Variants in SLC36A4 observed in about 807,000 individuals in gnomAD.
SLC36A4 encodes neutral amino acid uniporter 4.
SLC36A4 carries 49 observed loss-of-function variants against 50.5 expected under a neutral mutation model. The ratio of observed to expected loss-of-function variants is 0.97; its 90% confidence interval spans 0.77 to 1.23. SLC36A4 has a LOEUF of 1.23. Among genes scored for constraint, SLC36A4 ranks in the 50% most tolerant of loss-of-function variants. SLC36A4 has a pLI of 0.00. For missense variants in SLC36A4, 611 were observed against 608.4 expected, an observed-to-expected ratio of 1.00 and a Z score of -0.05; for synonymous variants, 207 against 206.5, an observed-to-expected ratio of 1.00 and a Z score of -0.02.
At chr11:93,179,069 C>T (rs1808290344) in intron 6 of SLC36A4, among the ~76,000 whole-genome samples, 1 of 152,118 alleles carries the variant, frequency 6.6e-6, no homozygotes, top group Non-Finnish European at 1.5e-5. Context: ...GGTGTTTGCA[C>T]AGGATGGGAG....
rs902495696 is a variant in SLC36A4 at position 93,187,122 on chromosome 11, A to AT, written c.56-1309dup. ...TATAAAATCCTTGGCTCACACTTTC[A>AT]TTCCTCGAGTTTCTTGAAAATGCTG... is the stretch of plus-strand genomic sequence containing the variant. On this transcript the variant is annotated intron_variant, in intron 1 of 10. Coordinates refer to ENST00000326402, the MANE Select transcript of SLC36A4 (RefSeq NM_152313.4). Among the ~76,000 whole-genome samples, 76 of 147,430 alleles carry AT rather than the reference A, an allele frequency of 5.2e-4. 2 individuals are homozygous for AT. Among genetic ancestry groups the AT allele is most frequent in the African/African-American group, 1.8e-3 (73 of 41,054 alleles).
chr11:93,165,753 T>C (rs943014735), intron 8 of SLC36A4, among the ~76,000 whole-genome samples, 165 bp downstream of exon 8: 1 of 152,126 alleles, frequency 6.6e-6, no homozygotes, highest in African/African-American at 2.4e-5. Flanking sequence ...TCTTTGTTAA[T>C]GGAAGGACTA....
rs769138426 is a variant in SLC36A4 at position 93,168,036 on chromosome 11, T to C, written c.676A>G (p.Ile226Val). The C allele has an allele frequency of 1.9e-6, 3 of 1,612,688 alleles. No homozygotes were observed. The highest frequency in any genetic ancestry group is 2.7e-5 in the African/African-American group (2 of 74,962). ...FLPFIILLVFIRELKNLFVLS... is the reference protein window; with the variant it reads ...FLPFIILLVFVRELKNLFVLS... The stretch of plus-strand genomic sequence containing the variant: ...ACAAATAGATTCTTTAGTTCACGAA[T>C]GAAGACCAAAAGAATTATAAATGGA... Residue 226 changes from isoleucine (I) to valine (V), a missense_variant, in exon 7 of 11, where the codon ATT becomes GTT. By Grantham distance (29) the Ile-to-Val change is conservative. Coordinates refer to ENST00000326402, the MANE Select transcript of SLC36A4 (RefSeq NM_152313.4).
intron 10 of SLC36A4, 36 bp from the exon 11 acceptor site, chr11:93,148,880 AATGTTTGTTACTTACATGAAT>A: frequency 6.5e-7 from 1 of 1,547,322 alleles, no homozygotes; most frequent in East Asian, 2.3e-5. Context: ...TTCTTATTTA[AATGTTTGTTACTTACATGAAT>A]ATTAACAGTA....
intron 9 of SLC36A4, among the ~76,000 whole-genome samples, chr11:93,155,922 C>T (rs996649093): frequency 3.3e-5 from 5 of 152,184 alleles, no homozygotes; most frequent in Non-Finnish European, 7.3e-5. Flanking sequence ...TTTTTTATGG[C>T]TGCATAGTAT....
intron 1 of SLC36A4, among the ~76,000 whole-genome samples, chr11:93,196,693 T>G (rs376372588): frequency 6.6e-6 from 1 of 152,212 alleles, no homozygotes; most frequent in Admixed American, 6.5e-5. Flanking sequence ...TAAGGCTAAA[T>G]ATATTATCCC....
chr11:93,171,947 T>G (rs1311913839), intron 6 of SLC36A4: 3 of 152,172 alleles, frequency 2.0e-5, no homozygotes. Flanking sequence ...TGTTACTCTT[T>G]TCTATGTCCT....
rs572772501 is a variant in SLC36A4, at chr11:93,192,772, T to C, written c.55+5006A>G. On this transcript the variant is annotated intron_variant, in intron 1 of 10. Transcript: ENST00000326402. ...TCAATAACCATATAACTAAAGGCTATTGCACTGAACAGCACAGCACTAGAG... is the reference window on the plus strand; with the variant it reads ...TCAATAACCATATAACTAAAGGCTACTGCACTGAACAGCACAGCACTAGAG... 2.0e-5 allele frequency among the ~76,000 whole-genome samples: 3 copies of C among 152,278 alleles called. No individual in the cohort carries two copies. In the South Asian group the frequency reaches 6.2e-4, roughly 32 times the overall value.
intron 1 of SLC36A4, among the ~76,000 whole-genome samples, chr11:93,189,859 T>C (rs1862141377): frequency 6.6e-6 from 1 of 152,212 alleles, no homozygotes; most frequent in African/African-American, 2.4e-5. Flanking sequence ...AATGGCATTA[T>C]TGAAGAGTTT....
At chr11:93,170,641 T>G (rs533215450) in intron 6 of SLC36A4, among the ~76,000 whole-genome samples, 2 of 152,214 alleles carry the variant, frequency 1.3e-5, no homozygotes, top group Admixed American at 6.6e-5. Context: ...TTGCTACATT[T>G]TTTATTTGTA....
At chr11:93,173,603 C>T in intron 6 of SLC36A4, among the ~76,000 whole-genome samples, 1 of 48,800 alleles carries the variant, frequency 2.0e-5, no homozygotes, top group Non-Finnish European at 4.4e-5. Flanking sequence ...ATCTTTAATC[C>T]ATCTTGAATT....
At position 93,148,395 on chromosome 11, in the gene SLC36A4, T is replaced by C; in HGVS notation, c.*142A>G. 1 of 774,494 alleles carries C rather than the reference T, an allele frequency of 1.3e-6. No individual in the cohort carries two copies. Among genetic ancestry groups the C allele is most frequent in the Non-Finnish European group, 2.1e-6 (1 of 478,882 alleles). The allele number at this position is 774,494 out of a possible 1,614,324, so 48.0% of individuals were successfully genotyped here. A position where few individuals can be genotyped will look rare whatever the true frequency, so the allele number is the denominator to read the frequency against. On this transcript the variant is annotated 3_prime_UTR_variant, in exon 11 of 11. Transcript: ENST00000326402. ...GTTTACCACTACTGGTAAAGAGTTA[T>C]GATTACTTCCAAAATATTAATATCG...
intron 1 of SLC36A4, among the ~76,000 whole-genome samples, chr11:93,194,435 G>C (rs1862338362): frequency 6.6e-6 from 1 of 152,084 alleles, no homozygotes; most frequent in Admixed American, 6.5e-5. Flanking sequence ...TGAGGTGGAA[G>C]AAATATACAC....
rs1405391319 is a variant in SLC36A4 at position 93,184,431 on chromosome 11, A to G, written c.269T>C (p.Val90Ala). 1 of 1,588,834 alleles carries G rather than the reference A, an allele frequency of 6.3e-7. No individual in the cohort carries two copies. The highest frequency in any genetic ancestry group is 1.7e-5 in the Admixed American group (1 of 59,856). The change falls in exon 3 of 11, where the codon GTG becomes GCG. Residue 90 changes from valine (V) to alanine (A), a missense_variant and splice_region_variant. Coordinates refer to ENST00000326402, the MANE Select transcript of SLC36A4 (RefSeq NM_152313.4). ...LPLAIKNAGI[V>A]LGPISLVFIG... ...GGTGATTACAAAGATAAGTCTTACC[A>G]CTATGCCTGCATTTTTTATTGCCAA... is the stretch of plus-strand genomic sequence containing the variant.
chr11:93,174,775 G>C (rs1439496318), intron 6 of SLC36A4, among the ~76,000 whole-genome samples: 3 of 145,814 alleles, frequency 2.1e-5, no homozygotes, highest in Non-Finnish European at 3.0e-5. Context: ...TATTGAACCA[G>C]CCTTGCATCC....
At chr11:93,185,904 C>G (rs1419195731) in intron 1 of SLC36A4, 90 bp from the exon 2 acceptor site, 15 of 1,118,526 alleles carry the variant, frequency 1.3e-5, no homozygotes, top group Non-Finnish European at 1.7e-5. Flanking sequence ...TAGGAAACAC[C>G]ATTTGTACTC....
At chr11:93,167,890 A>C (rs1860951721) in intron 7 of SLC36A4, 54 bp downstream of exon 7, 4 of 1,241,616 alleles carry the variant, frequency 3.2e-6, no homozygotes, top group Non-Finnish European at 4.5e-6. Flanking sequence ...CAGTAAACAA[A>C]ATTTTACTTA....
chr11:93,175,558 C>T (rs1388127349), intron 6 of SLC36A4, among the ~76,000 whole-genome samples: 5 of 133,978 alleles, frequency 3.7e-5, no homozygotes, highest in South Asian at 2.5e-4. Context: ...AATTTTGGAT[C>T]TTTCCTGCTT....
chr11:93,174,031 C>T (rs1203739788), intron 6 of SLC36A4, among the ~76,000 whole-genome samples: 4 of 150,416 alleles, frequency 2.7e-5, no homozygotes, highest in Non-Finnish European at 4.5e-5. Context: ...TGTAAATTAC[C>T]TTGGGCAGTA....
Sources: gnomAD v4.1 joint callset for allele counts (sites outside exome capture counted in the v4.1 genomes callset) on GRCh38, gnomAD v4.1.1 for gene constraint, MANE v1.5 for transcripts, NCBI Gene and HGNC (gene_info 2026-07-23, HGNC 2026-07-21) for gene names.